Variants in ZNF430 observed in about 807,000 individuals in gnomAD.
The protein encoded by ZNF430 is zinc finger protein 430.
ZNF430 carries 35 observed loss-of-function variants against 56.7 expected under a neutral mutation model. The ratio of observed to expected loss-of-function variants is 0.62; its 90% CI spans 0.47 to 0.82. ZNF430 has a LOEUF of 0.82. Among genes scored for constraint, ZNF430 ranks in the 40% least tolerant of loss-of-function variants. ZNF430 has a pLI of 0.00. For synonymous variants in ZNF430, 212 were observed against 224.3 expected, an observed-to-expected ratio of 0.94 and a Z score of 0.49; for missense variants, 574 against 661.0, an observed-to-expected ratio of 0.87 and a Z score of 1.44.
intron 4 of ZNF430, among the ~76,000 whole-genome samples, chr19:21,041,198 G>A (rs1968096262): frequency 6.6e-6 from 1 of 152,136 alleles, no homozygotes; most frequent in Non-Finnish European, 1.5e-5. Flanking sequence ...CATGATTACA[G>A]CTCGCTGCAG....
rs73018980 is a variant in ZNF430 at position 21,058,797 on chromosome 19, A to G, written c.*776A>G. On this transcript the variant is annotated 3_prime_UTR_variant, in exon 5 of 5. Transcript: ENST00000261560. ...TTCACATCTTACCACTGGAGAGTTC[A>G]TACTTAATAAAAGGAATATAAGTGC... is the stretch of plus-strand genomic sequence containing the variant. 2.0e-5 allele frequency: 3 copies of G among 152,412 alleles called. No individual in the cohort carries two copies. Among genetic ancestry groups the G allele is most frequent in the Non-Finnish European group, 2.9e-5 (2 of 68,026 alleles). The allele number at this position is 152,412 out of a possible 1,614,324, so 9.4% of individuals were successfully genotyped here. A position where few individuals can be genotyped will look rare whatever the true frequency, so the allele number is the denominator to read the frequency against.
intron 4 of ZNF430, among the ~76,000 whole-genome samples, chr19:21,046,987 G>A (rs1394785327): frequency 2.6e-5 from 4 of 152,018 alleles, no homozygotes; most frequent in Admixed American, 1.3e-4. Context: ...TCATAGGTTC[G>A]GTCTTTTTAC....
intron 4 of ZNF430, among the ~76,000 whole-genome samples, chr19:21,051,633 A>G (rs1168806735): frequency 6.6e-6 from 1 of 152,138 alleles, no homozygotes; most frequent in Admixed American, 6.6e-5. Context: ...AGCTGGGACT[A>G]CAGGCTCGTA....
At chr19:21,023,244 G>A (rs1409374434) in intron 2 of ZNF430, among the ~76,000 whole-genome samples, 1 of 152,112 alleles carries the variant, frequency 6.6e-6, no homozygotes, top group Non-Finnish European at 1.5e-5. Flanking sequence ...AGCAGGAGTG[G>A]GTGGAAGACT....
At chr19:21,055,985 CTT>C (rs933066880) in intron 4 of ZNF430, among the ~76,000 whole-genome samples, 8 of 152,134 alleles carry the variant, frequency 5.3e-5, no homozygotes, top group African/African-American at 1.9e-4. Context: ...TTTTAATTGT[CTT>C]TTAAAAAAGA....
intron 4 of ZNF430, among the ~76,000 whole-genome samples, chr19:21,052,238 G>C (rs1968296260): frequency 6.6e-6 from 1 of 151,928 alleles, no homozygotes; most frequent in South Asian, 2.1e-4. Flanking sequence ...TTGCCTACCA[G>C]GTGGTCTATC....
chr19:21,043,302 G>C (rs1460699302), intron 4 of ZNF430, among the ~76,000 whole-genome samples: 1 of 152,172 alleles, frequency 6.6e-6, no homozygotes, highest in African/African-American at 2.4e-5. Context: ...TTGTACAGGT[G>C]TAAGGAAGGG....
intron 3 of ZNF430, 68 bp downstream of exon 3, chr19:21,033,650 A>G: frequency 6.8e-7 from 1 of 1,478,308 alleles, no homozygotes; most frequent in Non-Finnish European, 9.0e-7. Context: ...TTTTGAGAAT[A>G]ATTTTTGGTA....
intron 4 of ZNF430, among the ~76,000 whole-genome samples, chr19:21,048,055 C>T (rs866441142): frequency 6.7e-6 from 1 of 149,042 alleles, no homozygotes; most frequent in East Asian, 2.0e-4. Context: ...TTAACTTTAT[C>T]GTTACATGCT....
intron 2 of ZNF430, 35 bp downstream of exon 2, chr19:21,022,916 A>C: frequency 6.8e-7 from 1 of 1,461,592 alleles, no homozygotes; most frequent in Non-Finnish European, 9.6e-7. Flanking sequence ...GTCTTCACCC[A>C]ACCCAGCTTT....
intron 2 of ZNF430, among the ~76,000 whole-genome samples, chr19:21,024,640 C>T (rs991088425): frequency 2.0e-5 from 3 of 151,798 alleles, no homozygotes; most frequent in African/African-American, 7.3e-5. Context: ...ATCAGCCGGG[C>T]GTGGTCACGG....
intron 2 of ZNF430, among the ~76,000 whole-genome samples, chr19:21,032,690 G>A (rs1442357889): frequency 6.6e-6 from 1 of 151,860 alleles, no homozygotes; most frequent in East Asian, 1.9e-4. Context: ...TGGTGTCATT[G>A]CACTCCAGCC....
chr19:21,022,805 G>C lies in ZNF430; in HGVS notation c.20G>C (p.Gly7Ala). MENLKS[G>A]VYPLKEASGC... ...CTCCCATAGGAGAACCTGAAGTCTG[G>C]AGTGTATCCTCTCAAGGAAGCAAGT... Residue 7 changes from glycine to alanine, a missense_variant, in exon 2 of 5, where the codon GGA (glycine) becomes GCA (alanine). Transcript: ENST00000261560. 1 of 1,613,114 alleles carries C rather than the reference G, an allele frequency of 6.2e-7. No individual in the cohort carries two copies. Among genetic ancestry groups the C allele is most frequent in the Non-Finnish European group, 8.5e-7 (1 of 1,179,110 alleles).
At chr19:21,032,731 GAAAA>G (rs560112293) in intron 2 of ZNF430, among the ~76,000 whole-genome samples, 1 of 145,516 alleles carries the variant, frequency 6.9e-6, no homozygotes, top group African/African-American at 2.5e-5. Context: ...CCATCTCAAA[GAAAA>G]AAAAAAGAAG....
intron 1 of ZNF430, 53 bp downstream of exon 1, chr19:21,020,856 G>A (rs201844513): frequency 3.1e-6 from 5 of 1,612,028 alleles, no homozygotes; most frequent in Non-Finnish European, 4.2e-6. Context: ...GGTTGTAATG[G>A]GTGGGAAGTG....
chr19:21,028,347 G>A (rs987116454), intron 2 of ZNF430, among the ~76,000 whole-genome samples: 2 of 152,142 alleles, frequency 1.3e-5, no homozygotes, highest in Non-Finnish European at 2.9e-5. Context: ...TGTATCCATA[G>A]CCATGACCAC....
At chr19:21,022,080 C>T (rs1029040323) in intron 1 of ZNF430, among the ~76,000 whole-genome samples, 2 of 152,184 alleles carry the variant, frequency 1.3e-5, no homozygotes, top group Middle Eastern at 3.4e-3. Flanking sequence ...TCAGGTGATC[C>T]GCCTGCCTTG....
chr19:21,020,954 C>A, intron 1 of ZNF430, 151 bp downstream of exon 1: 1 of 1,097,660 alleles, frequency 9.1e-7, no homozygotes, highest in Non-Finnish European at 1.4e-6. Context: ...CCCCATCAGC[C>A]TTAAGATGGC....
chr19:21,026,259 G>A (rs751026959), intron 2 of ZNF430, among the ~76,000 whole-genome samples: 1 of 151,492 alleles, frequency 6.6e-6, no homozygotes, highest in Non-Finnish European at 1.5e-5. Flanking sequence ...CACGATCTCA[G>A]CTCACTGCAA....
Sources: allele counts gnomAD v4.1 joint callset (sites outside exome capture counted in the v4.1 genomes callset), GRCh38; gene constraint gnomAD v4.1.1; transcripts MANE v1.5; gene names NCBI Gene and HGNC (gene_info 2026-07-23, HGNC 2026-07-21).